Variants in ERBB4 observed in about 807,000 individuals in gnomAD.
ERBB4 encodes erb-b2 receptor tyrosine kinase 4.
A neutral mutation model predicts 158.0 loss-of-function variants in ERBB4; 42 were observed. That is an observed-to-expected ratio of 0.27 (90% confidence interval 0.21 to 0.34). The LOEUF (loss-of-function observed/expected upper bound fraction) is 0.34, where lower values mean the gene tolerates loss of function less well. Ranked by LOEUF, ERBB4 falls within the 10% of genes least tolerant of loss-of-function variation. The pLI is 1.00. For synonymous variants in ERBB4, 583 were observed against 558.7 expected, an observed-to-expected ratio of 1.04 and a Z score of -0.61; for missense variants, 1,333 against 1,624.1, an observed-to-expected ratio of 0.82 and a Z score of 3.08.
intron 5 of ERBB4, among the ~76,000 whole-genome samples, chr2:211,740,486 A>G (rs2074750785): frequency 6.6e-6 from 1 of 152,056 alleles, no homozygotes; most frequent in Non-Finnish European, 1.5e-5. Context: ...AATATAATGG[A>G]CAAAAACGTG....
chr2:212,067,877 G>T (rs745995197), intron 2 of ERBB4, among the ~76,000 whole-genome samples: 4 of 151,980 alleles, frequency 2.6e-5, no homozygotes, highest in Non-Finnish European at 5.9e-5. Flanking sequence ...AATGCTAGAT[G>T]ATAGAATTGC....
chr2:211,963,527 C>A (rs961659854), intron 2 of ERBB4, among the ~76,000 whole-genome samples: 6 of 151,932 alleles, frequency 3.9e-5, no homozygotes, highest in Non-Finnish European at 7.4e-5. Context: ...ATTTTTCTAA[C>A]CTGAATTTAT....
At chr2:211,852,595 T>G (rs924479150) in intron 3 of ERBB4, among the ~76,000 whole-genome samples, 1 of 151,242 alleles carries the variant, frequency 6.6e-6, no homozygotes, top group Admixed American at 6.6e-5. Context: ...GAACAAAAAC[T>G]ACACTAAGTG....
At chr2:212,110,959 G>C (rs549857726) in intron 2 of ERBB4, among the ~76,000 whole-genome samples, 9 of 152,132 alleles carry the variant, frequency 5.9e-5, no homozygotes, top group Non-Finnish European at 1.2e-4. Context: ...CTGGCCACCC[G>C]CCTACCTGAC....
chr2:211,571,038 CTT>C (rs1393821258), intron 19 of ERBB4, among the ~76,000 whole-genome samples: 2 of 58,736 alleles, frequency 3.4e-5, no homozygotes, highest in African/African-American at 1.5e-4. Context: ...GAGTACTCTT[CTT>C]CTTTTTTTTT....
At chr2:212,527,848 C>A (rs1316663842) in intron 1 of ERBB4, among the ~76,000 whole-genome samples, 1 of 95,864 alleles carries the variant, frequency 1.0e-5, no homozygotes, top group African/African-American at 4.0e-5. Context: ...TGCTATCCCT[C>A]CCCCCTCCCC....
rs75016949 is a variant in ERBB4, at chr2:211,396,770, G to A, written c.3136-8778C>T. ...CCTTCAGTGTTCCTATAATTGCAGT[G>A]TGGACCAGGTTGAAAATATCTTCAG... On this transcript the variant is annotated intron_variant, in intron 25 of 27. Transcript: ENST00000342788. Among the ~76,000 whole-genome samples, 690 of 152,308 alleles carry A rather than the reference G, an allele frequency of 4.5e-3. 7 individuals carry two copies. Among genetic ancestry groups the A allele is most frequent in the African/African-American group, 0.016 (668 of 41,566 alleles).
At chr2:211,703,674 C>G (rs2073335103) in intron 11 of ERBB4, among the ~76,000 whole-genome samples, 1 of 152,068 alleles carries the variant, frequency 6.6e-6, no homozygotes, top group African/African-American at 2.4e-5. Flanking sequence ...TGGACGAGTT[C>G]CTAAAACATC....
intron 15 of ERBB4, among the ~76,000 whole-genome samples, chr2:211,662,475 C>T (rs2071466069): frequency 6.6e-6 from 1 of 152,182 alleles, no homozygotes; most frequent in Non-Finnish European, 1.5e-5. Flanking sequence ...ATTTACTGGA[C>T]TGTGAGTTCA....
At chr2:211,483,534 TTTTG>T (rs757337171) in intron 20 of ERBB4, among the ~76,000 whole-genome samples, 2 of 151,658 alleles carry the variant, frequency 1.3e-5, no homozygotes, top group Admixed American at 6.6e-5. Context: ...TTTGTTTTTC[TTTTG>T]TTTGTTTGTT....
At chr2:211,427,965 C>CAGAT (rs1478857623) in intron 22 of ERBB4, among the ~76,000 whole-genome samples, 1 of 147,698 alleles carries the variant, frequency 6.8e-6, no homozygotes, top group Admixed American at 6.8e-5. Context: ...CAGAAAAAGG[C>CAGAT]AGATAGCAAT....
At chr2:211,795,347 T>G (rs540009709) in intron 3 of ERBB4, among the ~76,000 whole-genome samples, 2 of 151,942 alleles carry the variant, frequency 1.3e-5, no homozygotes, top group Non-Finnish European at 2.9e-5. Context: ...TGTGATGGGT[T>G]TATTGTACTC....
chr2:212,143,475 G>GA (rs1053831235), intron 1 of ERBB4, among the ~76,000 whole-genome samples: 3 of 151,782 alleles, frequency 2.0e-5, no homozygotes, highest in Non-Finnish European at 4.4e-5. Flanking sequence ...GGTATCCTGG[G>GA]AAAAAAAGGA....
Position 211,869,550 on chromosome 2 carries a change from AG to A in ERBB4, c.421+77879del, listed in dbSNP as rs528753325. On this transcript the variant is annotated intron_variant, in intron 3 of 27. Transcript: ENST00000342788. ...ACAAAAGTGAGTTATTAGGTTGCATAGGCCAACTTGTTATTTTAGTAACCCC... is the reference window on the plus strand; with the variant it reads ...ACAAAAGTGAGTTATTAGGTTGCATAGCCAACTTGTTATTTTAGTAACCCC... Among the ~76,000 whole-genome samples, 3 of 152,198 alleles carry A rather than the reference AG, an allele frequency of 2.0e-5. No individual in the cohort carries two copies. The South Asian group carries it at 6.2e-4, about 31-fold the overall frequency.
At chr2:211,509,410 T>G (rs954093949) in intron 20 of ERBB4, among the ~76,000 whole-genome samples, 2 of 152,014 alleles carry the variant, frequency 1.3e-5, no homozygotes, top group African/African-American at 4.8e-5. Context: ...AAAATGAAAC[T>G]GGACCCCTAT....
At chr2:211,492,937 T>C (rs1208517736) in intron 20 of ERBB4, among the ~76,000 whole-genome samples, 3 of 152,096 alleles carry the variant, frequency 2.0e-5, no homozygotes, top group Non-Finnish European at 4.4e-5. Flanking sequence ...GCTAGAGAAA[T>C]TGCTAATCAT....
rs74570232 is a variant in ERBB4, at chr2:211,603,368, A to G, written c.2301+15809T>C. On this transcript the variant is annotated intron_variant, in intron 19 of 27. Coordinates refer to ENST00000342788, the MANE Select transcript of ERBB4 (RefSeq NM_005235.3). ...TCGAGTCATACACTTCGGAAGAATTAGATGTAGGGATATAGAATATAAAGG... is the reference window on the plus strand; with the variant it reads ...TCGAGTCATACACTTCGGAAGAATTGGATGTAGGGATATAGAATATAAAGG... 5.4e-3 allele frequency among the ~76,000 whole-genome samples: 822 copies of G among 152,304 alleles called. 7 individuals carry two copies. Among genetic ancestry groups the G allele is most frequent in the African/African-American group, 0.019 (786 of 41,560 alleles).
At chr2:211,743,584 C>G (rs1423662566) in intron 5 of ERBB4, among the ~76,000 whole-genome samples, 1 of 152,146 alleles carries the variant, frequency 6.6e-6, no homozygotes, top group African/African-American at 2.4e-5. Context: ...AAACCTTAGT[C>G]TCTCTCATAC....
chr2:211,630,816 T>C (rs919904140), intron 16 of ERBB4, among the ~76,000 whole-genome samples: 2 of 152,122 alleles, frequency 1.3e-5, no homozygotes, highest in Non-Finnish European at 1.5e-5. Flanking sequence ...AAACCATGCA[T>C]GTACAACTAA....
Sources: allele counts gnomAD v4.1 joint callset (sites outside exome capture counted in the v4.1 genomes callset), GRCh38; gene constraint gnomAD v4.1.1; transcripts MANE v1.5; gene names NCBI Gene and HGNC (gene_info 2026-07-23, HGNC 2026-07-21).